IGF2R: variants seen among roughly 807,000 people sequenced by gnomAD.
IGF2R encodes the protein cation-independent mannose-6-phosphate receptor.
A neutral mutation model predicts 270.6 loss-of-function variants in IGF2R; 91 were observed. That is an observed-to-expected ratio of 0.34 (90% confidence interval 0.28 to 0.40). The LOEUF is 0.40. Among genes scored for constraint, IGF2R ranks in the 10% least tolerant of loss-of-function variants. IGF2R has a pLI of 1.00. For synonymous variants in IGF2R, 1,316 were observed against 1,258.9 expected (o/e 1.05, Z -0.96); for missense variants, 2,805 against 3,188.3 (o/e 0.88, Z 2.90).
At chr6:160,053,797 G>A (rs1343055468) in intron 19 of IGF2R, among the ~76,000 whole-genome samples, 4 of 152,084 alleles carry the variant, frequency 2.6e-5, no homozygotes, top group Non-Finnish European at 4.4e-5. Flanking sequence ...CTGCAGCCTC[G>A]ACTTCCTGGG....
intron 41 of IGF2R, among the ~76,000 whole-genome samples, 169 bp downstream of exon 41, chr6:160,085,300 A>G (rs1315645613): frequency 1.3e-5 from 2 of 152,172 alleles, no homozygotes; most frequent in Non-Finnish European, 2.9e-5. Context: ...GCACATTAAA[A>G]TAAGTGCTGC....
In IGF2R at chr6:160,091,050, C is replaced by T. The variant is rs112187246; in HGVS notation, c.6655+947C>T. On this transcript the variant is annotated intron_variant, in intron 44 of 47. Coordinates refer to ENST00000356956, the MANE Select transcript of IGF2R (RefSeq NM_000876.4). The stretch of plus-strand genomic sequence containing the variant: ...TGCTGAGCGCATCGCTGAGAAGGAG[C>T]GGGTGCTCTGTGCCCTGGTGCGGCT... Among the ~76,000 whole-genome samples, 233 of 136,308 alleles carry T rather than the reference C, an allele frequency of 1.7e-3. 3 individuals carry two copies. The highest frequency in any genetic ancestry group is 6.3e-3 in the African/African-American group (220 of 34,800). The allele number at this position is 136,308 out of a possible 152,430, so 89.4% of individuals were successfully genotyped here.
At chr6:159,989,200 G>C (rs1583244640) in intron 1 of IGF2R, among the ~76,000 whole-genome samples, 1 of 152,160 alleles carries the variant, frequency 6.6e-6, no homozygotes, top group Non-Finnish European at 1.5e-5. Flanking sequence ...TGGCAGGGGG[G>C]TTTGATGGGT....
chr6:160,013,145 C>T (rs372433851), intron 4 of IGF2R, among the ~76,000 whole-genome samples: 2 of 151,986 alleles, frequency 1.3e-5, no homozygotes, highest in South Asian at 2.1e-4. Context: ...TCTTATGTCA[C>T]GTTGCTGAAT....
rs1562367395 is a variant in IGF2R at position 160,071,956 on chromosome 6, C to T, written c.4490C>T (p.Thr1497Ile). The change falls in exon 32 of 48, where the codon ACC (threonine) becomes ATC (isoleucine). Residue 1497 changes from threonine (T) to isoleucine (I), a missense_variant. Thr to Ile is a moderately conservative substitution (Grantham distance 89, BLOSUM62 -1). Around this residue, in one of 2 missense-constraint regions of IGF2R, gnomAD observed 1,851 missense variants for 2,207.2 expected, o/e 0.84. Coordinates refer to ENST00000356956, the MANE Select transcript of IGF2R (RefSeq NM_000876.4). ...AGCGCCGTGGAGGACTGTGAGTACA[C>T]CTTTGCCTGGCCCACAGCCACAGCC... ...FISAVEDCEY[T>I]FAWPTATACP... 1.9e-6 allele frequency: 3 copies of T among 1,614,146 alleles called. No homozygotes were observed. The highest frequency in any genetic ancestry group is 2.5e-6 in the Non-Finnish European group (3 of 1,180,010).
rs1406462953 is a variant in IGF2R at position 160,061,665 on chromosome 6, C to T, written c.3406+19C>T. 3.1e-6 allele frequency: 5 copies of T among 1,614,032 alleles called. No homozygotes were observed. In the South Asian group the frequency reaches 3.3e-5, roughly 11 times the overall value. Reference sequence around the variant, plus strand: ...TGCCAGGGTGAGTTCTCCTTGGTCTCTTGATTGGCGTCTGTTCATTTTATT... The same window carrying T: ...TGCCAGGGTGAGTTCTCCTTGGTCTTTTGATTGGCGTCTGTTCATTTTATT... On this transcript the variant is annotated intron_variant, in intron 24 of 47. Coordinates refer to ENST00000356956, the MANE Select transcript of IGF2R (RefSeq NM_000876.4).
At chr6:160,069,309 G>A (rs1369025871) in intron 30 of IGF2R, among the ~76,000 whole-genome samples, 3 of 152,146 alleles carry the variant, frequency 2.0e-5, no homozygotes, top group East Asian at 3.9e-4. Context: ...CTCAAAGGCG[G>A]TGTGGTTATT....
chr6:160,018,895 C>T (rs1777365679), intron 4 of IGF2R, among the ~76,000 whole-genome samples: 1 of 152,018 alleles, frequency 6.6e-6, no homozygotes, highest in Non-Finnish European at 1.5e-5. Context: ...TAATATCACA[C>T]TTCAAGGAAC....
At chr6:160,060,107 C>T (rs1182068606) in intron 22 of IGF2R, among the ~76,000 whole-genome samples, 6 of 152,184 alleles carry the variant, frequency 3.9e-5, no homozygotes, top group Admixed American at 2.6e-4. Flanking sequence ...GTAAACCTGT[C>T]ATAACACAGG....
chr6:160,083,526 T>C (rs1279627513), intron 39 of IGF2R, among the ~76,000 whole-genome samples: 1 of 152,212 alleles, frequency 6.6e-6, no homozygotes, highest in African/African-American at 2.4e-5. Flanking sequence ...CAGGTCTTTC[T>C]CATCCCACGA....
intron 1 of IGF2R, among the ~76,000 whole-genome samples, chr6:159,971,539 C>T (rs1783608595): frequency 6.6e-6 from 1 of 152,174 alleles, no homozygotes; most frequent in Non-Finnish European, 1.5e-5. Flanking sequence ...GGATTTTCAC[C>T]CACCTCTTTC....
chr6:160,012,781 T>A lies in IGF2R; in HGVS notation c.513+1996T>A, dbSNP rs1447050811. On this transcript the variant is annotated intron_variant, in intron 4 of 47. Coordinates refer to ENST00000356956, the MANE Select transcript of IGF2R (RefSeq NM_000876.4). ...TATATATATTTTTTTTTTTTTTTGT[T>A]TGTTTGTTTGTTTATTTGTTTGTTT... 2.2e-4 allele frequency among the ~76,000 whole-genome samples: 25 copies of A among 114,618 alleles called. 1 individual carries two copies. Among genetic ancestry groups the A allele is most frequent in the Middle Eastern group, 4.1e-3 (1 of 246 alleles). 75.2% of individuals were successfully genotyped at this position (114,618 alleles called of 152,430 possible). A position where few individuals can be genotyped will look rare whatever the true frequency, so the allele number is the denominator to read the frequency against.
At chr6:160,053,207 G>A (rs1778237365) in intron 19 of IGF2R, among the ~76,000 whole-genome samples, 1 of 152,132 alleles carries the variant, frequency 6.6e-6, no homozygotes, top group Non-Finnish European at 1.5e-5. Context: ...ACTTATAGGT[G>A]GGAATTGAAC....
At chr6:160,089,892 C>T (rs992937544) in intron 43 of IGF2R, 24 bp from the exon 44 acceptor site, 1 of 1,507,936 alleles carries the variant, frequency 6.6e-7, no homozygotes, top group Non-Finnish European at 8.9e-7. Flanking sequence ...TTCCATGTCA[C>T]TGTGATCTTT....
chr6:160,057,234 G>T (rs1778335544), intron 20 of IGF2R, among the ~76,000 whole-genome samples: 1 of 152,206 alleles, frequency 6.6e-6, no homozygotes, highest in Non-Finnish European at 1.5e-5. Flanking sequence ...TTCTGCCCGG[G>T]TCCATGCCCT....
intron 44 of IGF2R, 90 bp downstream of exon 44, chr6:160,090,193 T>A: frequency 1.1e-6 from 1 of 921,036 alleles, no homozygotes; most frequent in Non-Finnish European, 1.5e-6. Flanking sequence ...AGTTGAAATC[T>A]CGGACCACTT....
At chr6:160,057,831 T>TG (rs757919829) in intron 20 of IGF2R, among the ~76,000 whole-genome samples, 192 bp from the exon 21 acceptor site, 12 of 152,162 alleles carry the variant, frequency 7.9e-5, no homozygotes, top group South Asian at 2.1e-4. Flanking sequence ...GGCTCACACT[T>TG]GGTATACTTC....
chr6:159,996,268 G>A (rs1784052251), intron 2 of IGF2R, among the ~76,000 whole-genome samples: 1 of 152,176 alleles, frequency 6.6e-6, no homozygotes, highest in South Asian at 2.1e-4. Context: ...AATTTATATT[G>A]GGTTGTGCAG....
chr6:160,071,804 A>G, intron 31 of IGF2R, 106 bp from the exon 32 acceptor site: 1 of 1,431,122 alleles, frequency 7.0e-7, no homozygotes, highest in Non-Finnish European at 9.7e-7. Context: ...CAGAAATGTC[A>G]CATGCTGTGG....
Sources: gnomAD v4.1 joint callset for allele counts (sites outside exome capture counted in the v4.1 genomes callset) on GRCh38, gnomAD v4.1.1 for gene constraint, gnomAD v4.1.1 regional missense constraint, MANE v1.5 for transcripts, NCBI Gene and HGNC (gene_info 2026-07-23, HGNC 2026-07-21) for gene names.